Variants in FTO observed in about 807,000 individuals in gnomAD.
FTO encodes alpha-ketoglutarate-dependent dioxygenase FTO.
A neutral mutation model predicts 63.9 loss-of-function variants in FTO; 47 were observed. The observed-to-expected ratio is 0.74, with a 90% CI of 0.58 to 0.94. The LOEUF is 0.94. Among genes scored for constraint, FTO ranks in the 40% least tolerant of loss-of-function variants. The probability of loss-of-function intolerance (pLI) is 0.00; values close to 1 mark genes in which losing one functional copy is unlikely to be tolerated. For missense variants in FTO, 562 were observed against 618.1 expected (o/e 0.91, Z 0.96); for synonymous variants, 207 against 224.4 (o/e 0.92, Z 0.69).
chr16:54,004,203 T>A (rs1436436072), intron 8 of FTO, among the ~76,000 whole-genome samples: 1 of 152,176 alleles, frequency 6.6e-6, no homozygotes, highest in Non-Finnish European at 1.5e-5. Flanking sequence ...CTTAGCATGG[T>A]ACGTCTTTAG....
At chr16:53,757,969 C>T (rs929754802) in intron 1 of FTO, among the ~76,000 whole-genome samples, 15 of 152,226 alleles carry the variant, frequency 9.9e-5, no homozygotes, top group African/African-American at 3.1e-4. Flanking sequence ...CTGACTGTTC[C>T]GTTGGAGTAT....
intron 1 of FTO, among the ~76,000 whole-genome samples, chr16:53,770,361 A>C (rs924857457): frequency 1.7e-4 from 26 of 152,200 alleles, no homozygotes; most frequent in Admixed American, 5.2e-4. Context: ...GAGAAATTAT[A>C]ATTAGTCATA....
chr16:53,888,268 A>G (rs940088046), intron 6 of FTO, among the ~76,000 whole-genome samples: 1 of 141,126 alleles, frequency 7.1e-6, no homozygotes, highest in Non-Finnish European at 1.6e-5. Flanking sequence ...CAGTGGCACA[A>G]TTATAGCTCA....
At chr16:53,788,324 C>G (rs570321175) in intron 1 of FTO, among the ~76,000 whole-genome samples, 1 of 151,904 alleles carries the variant, frequency 6.6e-6, no homozygotes, top group African/African-American at 2.4e-5. Context: ...CTTATTTGGC[C>G]AGATGGGGTG....
chr16:54,007,737 A>G (rs1356184020), intron 8 of FTO, among the ~76,000 whole-genome samples: 3 of 152,228 alleles, frequency 2.0e-5, no homozygotes, highest in Non-Finnish European at 2.9e-5. Flanking sequence ...CCCTAAGGGA[A>G]TGCTGGTCCT....
At chr16:53,830,464 T>C (rs1456500834) in intron 3 of FTO, among the ~76,000 whole-genome samples, 1 of 152,228 alleles carries the variant, frequency 6.6e-6, no homozygotes, top group Non-Finnish European at 1.5e-5. Flanking sequence ...CAGTAACTAT[T>C]GGCTACCATT....
chr16:53,907,947 G>T (rs903172690), intron 7 of FTO, among the ~76,000 whole-genome samples: 1 of 152,172 alleles, frequency 6.6e-6, no homozygotes, highest in Non-Finnish European at 1.5e-5. Context: ...TTATTCTGGA[G>T]GCACTGAGAT....
At position 53,826,379 on chromosome 16, in the gene FTO, A is replaced by G. The variant is rs143053956; in HGVS notation, c.639A>G (p.Pro213=). The G allele has an allele frequency of 1.1e-4, 170 of 1,614,218 alleles. 2 individuals are homozygous for G. In the African/African-American group the frequency reaches 2.0e-3, roughly 19 times the overall value. ...ATTTCATGGATCCTCAGAAAATGCC[A>G]TACCTGAAAGAGGAACCTTATTTTG... ...LLNFMDPQKM[P]YLKEEPYFGM... The change falls in exon 3 of 9, where the codon CCA becomes CCG. Residue 213 remains proline (P), a synonymous_variant. Coordinates refer to ENST00000471389, the MANE Select transcript of FTO (RefSeq NM_001080432.3).
intron 4 of FTO, among the ~76,000 whole-genome samples, chr16:53,864,283 T>C (rs2080249436): frequency 6.6e-6 from 1 of 152,156 alleles, no homozygotes; most frequent in South Asian, 2.1e-4. Flanking sequence ...TGATTGTTTC[T>C]CTAAGAAATT....
At chr16:53,980,122 T>C (rs2083509609) in intron 8 of FTO, among the ~76,000 whole-genome samples, 1 of 152,332 alleles carries the variant, frequency 6.6e-6, no homozygotes, top group Non-Finnish European at 1.5e-5. Flanking sequence ...AGTCCCACCC[T>C]TAAGTCAAGA....
chr16:53,824,236 C>T (rs2078945326), intron 2 of FTO, among the ~76,000 whole-genome samples: 1 of 152,250 alleles, frequency 6.6e-6, no homozygotes, highest in South Asian at 2.1e-4. Flanking sequence ...CCGCCTTCCT[C>T]TGCCTCCTCG....
intron 8 of FTO, among the ~76,000 whole-genome samples, chr16:53,957,155 C>A (rs570531132): frequency 6.6e-6 from 1 of 152,210 alleles, no homozygotes; most frequent in East Asian, 1.9e-4. Flanking sequence ...CCCTGGCTTG[C>A]CCGGGGCTGG....
intron 8 of FTO, among the ~76,000 whole-genome samples, chr16:54,082,967 T>C (rs1244751185): frequency 6.6e-6 from 1 of 152,160 alleles, no homozygotes; most frequent in Non-Finnish European, 1.5e-5. Context: ...AAAAAGTAAA[T>C]ACTCTAAAAT....
rs114630010 is a variant in FTO at position 54,093,262 on chromosome 16, T to C, written c.1365-18500T>C. ...TAGAAAGAACAGTTTAAATTAGGAA[T>C]AGCAAGTTCTCCAAGTCTCACAGTC... On this transcript the variant is annotated intron_variant, in intron 8 of 8. Transcript: ENST00000471389. 5.0e-3 allele frequency among the ~76,000 whole-genome samples: 760 copies of C among 152,284 alleles called. 10 individuals carry two copies. The highest frequency in any genetic ancestry group is 0.017 in the African/African-American group (714 of 41,564).
At chr16:53,946,214 A>G (rs753699948) in intron 8 of FTO, among the ~76,000 whole-genome samples, 2 of 152,210 alleles carry the variant, frequency 1.3e-5, no homozygotes, top group Non-Finnish European at 2.9e-5. Context: ...AAATAGTTGA[A>G]TCACCTTGAA....
chr16:54,051,052 C>T (rs1460141506), intron 8 of FTO, among the ~76,000 whole-genome samples: 2 of 152,158 alleles, frequency 1.3e-5, no homozygotes, highest in Non-Finnish European at 2.9e-5. Flanking sequence ...TCTTTTTCCT[C>T]TACAAAAAGC....
intron 1 of FTO, among the ~76,000 whole-genome samples, chr16:53,758,845 C>G (rs2076982389): frequency 6.6e-6 from 1 of 152,142 alleles, no homozygotes; most frequent in African/African-American, 2.4e-5. Flanking sequence ...AAGGAACCTT[C>G]ACACTGTTAA....
At chr16:53,895,769 G>C (rs1051321155) in intron 7 of FTO, among the ~76,000 whole-genome samples, 5 of 152,162 alleles carry the variant, frequency 3.3e-5, no homozygotes, top group Admixed American at 2.0e-4. Context: ...TAAGAGGATC[G>C]TTCCTAGTGC....
intron 4 of FTO, among the ~76,000 whole-genome samples, chr16:53,849,857 G>C (rs1326359732): frequency 6.6e-6 from 1 of 152,164 alleles, no homozygotes; most frequent in Non-Finnish European, 1.5e-5. Context: ...CATGGAAACT[G>C]TGGTATCTTT....
Sources: allele counts gnomAD v4.1 joint callset (sites outside exome capture counted in the v4.1 genomes callset), GRCh38; gene constraint gnomAD v4.1.1; transcripts MANE v1.5; gene names NCBI Gene and HGNC (gene_info 2026-07-23, HGNC 2026-07-21).